The following MTMR9 variants were observed in gnomAD, a reference collection of about 807,000 sequenced individuals.
MTMR9 encodes myotubularin related protein 9, also known as myotubularin-related protein 9.
In MTMR9, 39 loss-of-function variants were observed where a neutral mutation model predicts 69.5. The observed-to-expected ratio is 0.56, with a 90% confidence interval of 0.43 to 0.73. MTMR9 has a LOEUF of 0.73. Among genes scored for constraint, MTMR9 ranks in the 30% least tolerant of loss-of-function variants. The probability of loss-of-function intolerance (pLI) is 0.00; values close to 1 mark genes in which losing one functional copy is unlikely to be tolerated. For missense variants in MTMR9, 900 were observed against 671.2 expected, an observed-to-expected ratio of 1.34 and a Z score of -3.77; for synonymous variants, 354 against 240.8, an observed-to-expected ratio of 1.47 and a Z score of -4.35.
intron 5 of MTMR9, 122 bp downstream of exon 5, chr8:11,306,529 G>C: frequency 1.2e-6 from 1 of 814,540 alleles, no homozygotes. Flanking sequence ...GGTCAATGAT[G>C]GGCTAGCCAT....
intron 7 of MTMR9, 92 bp downstream of exon 7, chr8:11,315,156 T>C: frequency 3.4e-6 from 5 of 1,465,402 alleles, no homozygotes; most frequent in East Asian, 4.6e-5. Flanking sequence ...GAAATTTCGA[T>C]TGATTAAAAT....
At chr8:11,317,789 C>T (rs1221660617) in intron 8 of MTMR9, 2 of 152,238 alleles carry the variant, frequency 1.3e-5, no homozygotes, top group African/African-American at 4.8e-5. Flanking sequence ...AATGATCTTT[C>T]AGGGAGGTTG....
At chr8:11,330,422 C>T (rs1801167098), downstream of MTMR9, among the ~76,000 whole-genome samples, 1 of 152,220 alleles carries the variant, frequency 6.6e-6, no homozygotes, top group African/African-American at 2.4e-5. Context: ...GAGGTGTACC[C>T]AACAGCTCAT....
At chr8:11,310,600 A>G (rs1348303573) in intron 6 of MTMR9, among the ~76,000 whole-genome samples, 3 of 152,174 alleles carry the variant, frequency 2.0e-5, no homozygotes, top group East Asian at 3.8e-4. Context: ...TTTCTGTTTT[A>G]GGCGTTAGGT....
chr8:11,297,982 T>C, intron 2 of MTMR9: 1 of 456,244 alleles, frequency 2.2e-6, no homozygotes, highest in South Asian at 1.5e-5. Context: ...TCATATAGCA[T>C]AGCTGAGCTG....
At chr8:11,294,284 G>T (rs1166555523) in intron 1 of MTMR9, among the ~76,000 whole-genome samples, 1 of 152,116 alleles carries the variant, frequency 6.6e-6, no homozygotes, top group Non-Finnish European at 1.5e-5. Flanking sequence ...AGTGGTGACA[G>T]TGAACATCTT....
At chr8:11,334,598 A>C in the MTMR9 span, among the ~76,000 whole-genome samples, 8 of 151,958 alleles carry the variant, frequency 5.3e-5, no homozygotes, top group African/African-American at 1.9e-4. Context: ...CATTATGGGG[A>C]AAATGGGGGG....
chr8:11,320,076 T>C (rs1800610892), intron 9 of MTMR9: 2 of 434,574 alleles, frequency 4.6e-6, no homozygotes, highest in Admixed American at 4.1e-5. Context: ...TTGCTGTTTA[T>C]GTTGGATATT....
chr8:11,332,037 A>G (rs974279601), downstream of MTMR9: 6 of 1,611,782 alleles, frequency 3.7e-6, no homozygotes, highest in African/African-American at 1.3e-5. Flanking sequence ...TTCTGACATC[A>G]TGGGGGCAGG....
At position 11,288,327 on chromosome 8, in the gene MTMR9, A is replaced by C. The variant is rs865943325; in HGVS notation, c.182+3257A>C. ...TATAATATGTATATATAATATATATACATAAATATATAATATATTTATATA... is the reference window on the plus strand; with the variant it reads ...TATAATATGTATATATAATATATATCCATAAATATATAATATATTTATATA... On this transcript the variant is annotated intron_variant, in intron 1 of 9. Transcript: ENST00000221086. Among the ~76,000 whole-genome samples the C allele has an allele frequency of 1.8e-4, 26 of 140,546 alleles. 1 individual carries two copies. In the South Asian group the frequency reaches 2.5e-3, roughly 14 times the overall value. The allele number at this position is 140,546 out of a possible 152,430, so 92.2% of individuals were successfully genotyped here. A position where few individuals can be genotyped will look rare whatever the true frequency, so the allele number is the denominator to read the frequency against.
At chr8:11,337,612 A>G in the MTMR9 span, among the ~76,000 whole-genome samples, 7 of 152,374 alleles carry the variant, frequency 4.6e-5, no homozygotes, top group South Asian at 1.2e-3. Context: ...TCTGCATTCT[A>G]TATATGGCAG....
At chr8:11,285,954 T>TC (rs1799138209) in intron 1 of MTMR9, among the ~76,000 whole-genome samples, 1 of 139,844 alleles carries the variant, frequency 7.2e-6, no homozygotes, top group Non-Finnish European at 1.5e-5. Flanking sequence ...CTTTCTTTTT[T>TC]TTTTTTTTTT....
intron 1 of MTMR9, among the ~76,000 whole-genome samples, chr8:11,287,382 G>T (rs1218168019): frequency 6.6e-6 from 1 of 152,084 alleles, no homozygotes; most frequent in African/African-American, 2.4e-5. Flanking sequence ...AGTACATGAA[G>T]AAGAAGCAGA....
At position 11,315,078 on chromosome 8, in the gene MTMR9, T is replaced by A. The variant is rs1393453557; in HGVS notation, c.1113+14T>A. ...GAGTGGCTGCAGGTGAGAAGAGCTG[T>A]TTGATTCACAGAGGAACTGCTTATT... On this transcript the variant is annotated intron_variant, in intron 7 of 9. Coordinates refer to ENST00000221086, the MANE Select transcript of MTMR9 (RefSeq NM_015458.4). The A allele has an allele frequency of 1.2e-6, 2 of 1,609,724 alleles. No homozygotes were observed. The highest frequency in any genetic ancestry group is 1.7e-6 in the Non-Finnish European group (2 of 1,176,450).
the MTMR9 span, among the ~76,000 whole-genome samples, chr8:11,335,493 C>G: frequency 2.6e-5 from 4 of 152,064 alleles, no homozygotes; most frequent in Non-Finnish European, 5.9e-5. Flanking sequence ...CAGTGCTTCC[C>G]ATCTTGATCT....
At chr8:11,334,260 A>C in the MTMR9 span, among the ~76,000 whole-genome samples, 1 of 152,250 alleles carries the variant, frequency 6.6e-6, no homozygotes, top group South Asian at 2.1e-4. Context: ...AAACAGTATT[A>C]ATGTAATTTT....
At chr8:11,297,091 C>G (rs907472054) in intron 2 of MTMR9, among the ~76,000 whole-genome samples, 1 of 152,120 alleles carries the variant, frequency 6.6e-6, no homozygotes, top group Non-Finnish European at 1.5e-5. Context: ...TTCTAGACTA[C>G]TATAGGAACG....
intron 2 of MTMR9, 72 bp from the exon 3 acceptor site, chr8:11,299,951 T>G (rs3808513): frequency 0.41 from 631,451 of 1,539,242 alleles, 134,917 homozygotes; most frequent in East Asian, 0.74. Context: ...TGCTTAATAC[T>G]AATTTGTCAG....
chr8:11,287,002 A>T (rs558391883), intron 1 of MTMR9, among the ~76,000 whole-genome samples: 2 of 152,326 alleles, frequency 1.3e-5, no homozygotes, highest in East Asian at 3.9e-4. Flanking sequence ...CATTTAAGAC[A>T]CCAAGGTAAA....
Sources: gnomAD v4.1 joint callset for allele counts (sites outside exome capture counted in the v4.1 genomes callset) on GRCh38, gnomAD v4.1.1 for gene constraint, MANE v1.5 for transcripts, NCBI Gene and HGNC (gene_info 2026-07-23, HGNC 2026-07-21) for gene names.